Variants in ERP44 observed in about 807,000 individuals in gnomAD.
ERP44 encodes endoplasmic reticulum resident protein 44.
ERP44 carries 25 observed loss-of-function variants against 53.4 expected under a neutral mutation model. The ratio of observed to expected loss-of-function variants is 0.47; its 90% CI spans 0.34 to 0.65. The LOEUF (loss-of-function observed/expected upper bound fraction) is 0.65. Among genes scored for constraint, ERP44 ranks in the 30% least tolerant of loss-of-function variants. The probability of loss-of-function intolerance (pLI) is 0.01; values close to 1 mark genes in which losing one functional copy is unlikely to be tolerated. For missense variants in ERP44, 338 were observed against 493.2 expected (o/e 0.69, Z 2.98); for synonymous variants, 145 against 161.2 (o/e 0.90, Z 0.76).
In ERP44 at chr9:100,029,835, A is replaced by G. The variant is rs998057156; in HGVS notation, c.287-7609T>C. Among the ~76,000 whole-genome samples the G allele has an allele frequency of 3.3e-5, 5 of 152,190 alleles. 1 individual carries two copies. The highest frequency in any genetic ancestry group is 3.3e-4 in the Admixed American group (5 of 15,274). ...CCGGGTGCGGTGGCTCATGCCTGTA[A>G]TCCCAGCACTTTGGGAGACCGAGGC... On this transcript the variant is annotated intron_variant, in intron 4 of 11. Transcript: ENST00000262455.
rs577119057 is a variant in ERP44 at position 100,060,034 on chromosome 9, T to C, written c.130+66A>G. Reference sequence around the variant, plus strand: ...ACTGAGATTTTATTGGGTTTTTTTTTTGTATATATAAACTAACTCTCTATA... The same window carrying C: ...ACTGAGATTTTATTGGGTTTTTTTTCTGTATATATAAACTAACTCTCTATA... On this transcript the variant is annotated intron_variant, in intron 2 of 11. Coordinates refer to ENST00000262455, the MANE Select transcript of ERP44 (RefSeq NM_015051.3). 21 of 1,239,846 alleles carry C rather than the reference T, an allele frequency of 1.7e-5. No individual in the cohort carries two copies. In the East Asian group the frequency reaches 3.3e-4, roughly 19 times the overall value. The allele number at this position is 1,239,846 out of a possible 1,614,324, so 76.8% of individuals were successfully genotyped here.
intron 1 of ERP44, among the ~76,000 whole-genome samples, chr9:100,093,469 G>A (rs1283488950): frequency 1.3e-5 from 2 of 152,068 alleles, no homozygotes; most frequent in African/African-American, 4.8e-5. Context: ...CATGGCAAAA[G>A]CCTATCTCTA....
chr9:100,057,845 C>A lies in ERP44; in HGVS notation c.145G>T (p.Ala49Ser). 1 of 1,604,182 alleles carries A rather than the reference C, an allele frequency of 6.2e-7. No homozygotes were observed. The highest frequency in any genetic ancestry group is 1.3e-5 in the African/African-American group (1 of 74,592). ...CAGTCAGCATAAAAATTTACTAAAG[C>A]AACATCAGCATTGTCTGAAATTGAA... is the stretch of plus-strand genomic sequence containing the variant. ...IDEILNNADV[A>S]LVNFYADWCR... The change falls in exon 3 of 12, where the codon GCT becomes TCT. Residue 49 changes from alanine (A) to serine (S), a missense_variant. Ala to Ser is a moderately conservative substitution (Grantham distance 99, BLOSUM62 1). This residue lies in a region of ERP44 where 224 missense variants were observed against 301.4 expected (regional missense o/e 0.74). Coordinates refer to ENST00000262455, the MANE Select transcript of ERP44 (RefSeq NM_015051.3).
chr9:99,990,569 T>A (rs1327560668), intron 10 of ERP44, among the ~76,000 whole-genome samples: 1 of 152,198 alleles, frequency 6.6e-6, no homozygotes, highest in East Asian at 1.9e-4. Flanking sequence ...CATGCCAAAG[T>A]GTAAAGACCA....
chr9:100,073,144 A>G (rs1343372426), intron 1 of ERP44, among the ~76,000 whole-genome samples: 1 of 152,172 alleles, frequency 6.6e-6, no homozygotes, highest in Non-Finnish European at 1.5e-5. Flanking sequence ...AAAAATAAGT[A>G]CCCTGTAACA....
At chr9:99,999,303 ATTTG>A (rs1053445250) in intron 10 of ERP44, among the ~76,000 whole-genome samples, 75 of 151,856 alleles carry the variant, frequency 4.9e-4, no homozygotes, top group African/African-American at 1.7e-3. Flanking sequence ...TGATGAGATT[ATTTG>A]TTTTTTTCTT....
chr9:100,076,672 T>C (rs750553804), intron 1 of ERP44, among the ~76,000 whole-genome samples: 7 of 152,130 alleles, frequency 4.6e-5, no homozygotes, highest in African/African-American at 7.2e-5. Flanking sequence ...ACTTGGAAAA[T>C]TGGTGACAAA....
At chr9:100,063,262 T>G (rs1405921322) in intron 1 of ERP44, among the ~76,000 whole-genome samples, 2 of 152,044 alleles carry the variant, frequency 1.3e-5, no homozygotes, top group East Asian at 3.8e-4. Flanking sequence ...AAGATTGGTA[T>G]TTTGCTAACA....
At chr9:99,999,002 A>G (rs1345334003) in intron 10 of ERP44, 1 of 1,167,596 alleles carries the variant, frequency 8.6e-7, no homozygotes, top group East Asian at 2.4e-5. Flanking sequence ...AACTGGAAGT[A>G]GTCGTGCGTG....
Position 100,098,442 on chromosome 9 carries a change from G to C in ERP44, c.57+342C>G, listed in dbSNP as rs148307254. 2.8e-3 allele frequency among the ~76,000 whole-genome samples: 428 copies of C among 152,308 alleles called. 1 individual carries two copies. Among genetic ancestry groups the C allele is most frequent in the Non-Finnish European group, 4.4e-3 (301 of 68,030 alleles). On this transcript the variant is annotated intron_variant, in intron 1 of 11. Coordinates refer to ENST00000262455, the MANE Select transcript of ERP44 (RefSeq NM_015051.3). ...ATGGAGAGGGTGGGAAGGAACGCTA[G>C]GTCTATGCTTGGTCTTTTCCGATTC... is the stretch of plus-strand genomic sequence containing the variant.
At chr9:100,046,787 A>T (rs1226551014) in intron 4 of ERP44, among the ~76,000 whole-genome samples, 2 of 152,216 alleles carry the variant, frequency 1.3e-5, no homozygotes, top group Non-Finnish European at 2.9e-5. Flanking sequence ...CTAAAAGTTA[A>T]ATGGAAATCT....
At chr9:100,090,101 G>C (rs1826533851) in intron 1 of ERP44, among the ~76,000 whole-genome samples, 1 of 152,106 alleles carries the variant, frequency 6.6e-6, no homozygotes, top group South Asian at 2.1e-4. Flanking sequence ...CTGCTATTTA[G>C]AAAGTTTGAG....
chr9:99,982,697 G>C lies in ERP44; in HGVS notation c.1136C>G (p.Ala379Gly). Residue 379 changes from alanine to glycine, a missense_variant, in exon 12 of 12, where the codon GCA (alanine) becomes GGA (glycine). Around this residue, in one of 3 missense-constraint regions of ERP44, gnomAD observed 113 missense variants for 172.6 expected, o/e 0.65. Transcript: ENST00000262455. ...GAAGGAGCTCTCAGGTGGACTGCTTGCTACATCTTGGGCTTGCTACAAAAG... is the reference window on the plus strand; with the variant it reads ...GAAGGAGCTCTCAGGTGGACTGCTTCCTACATCTTGGGCTTGCTACAAAAG... ...TAPGEQAQDV[A>G]SSPPESSFQK... The C allele has an allele frequency of 6.2e-7, 1 of 1,607,110 alleles. No homozygotes were observed. The highest frequency in any genetic ancestry group is 8.5e-7 in the Non-Finnish European group (1 of 1,177,376).
chr9:100,098,317 C>A (rs1826675944), intron 1 of ERP44, among the ~76,000 whole-genome samples: 1 of 152,162 alleles, frequency 6.6e-6, no homozygotes, highest in Non-Finnish European at 1.5e-5. Flanking sequence ...TCGCATCAAG[C>A]CACAACAGAG....
At chr9:100,040,620 T>C (rs1825889865) in intron 4 of ERP44, among the ~76,000 whole-genome samples, 2 of 152,120 alleles carry the variant, frequency 1.3e-5, no homozygotes, top group African/African-American at 4.8e-5. Context: ...GGATGCCCAC[T>C]GTCACTATTA....
intron 1 of ERP44, among the ~76,000 whole-genome samples, chr9:100,098,153 TGAA>T (rs1251598217): frequency 6.6e-6 from 1 of 152,182 alleles, no homozygotes; most frequent in African/African-American, 2.4e-5. Flanking sequence ...TAAGGCGCAA[TGAA>T]GAAGAAATCT....
In ERP44 at chr9:100,098,925, CG is replaced by C. The variant is rs1254263285; in HGVS notation, c.-86del. 5.8e-6 allele frequency: 6 copies of C among 1,040,738 alleles called. No individual in the cohort carries two copies. Among genetic ancestry groups the C allele is most frequent in the Non-Finnish European group, 8.7e-6 (6 of 685,934 alleles). 64.5% of individuals were successfully genotyped at this position (1,040,738 alleles called of 1,614,324 possible). ...GTTGGGTTAGGAAAGGGCTGGGCTC[CG>C]GGAGCCGACGGCAGCGGAGGATTCT... On this transcript the variant is annotated 5_prime_UTR_variant, in exon 1 of 12. Transcript: ENST00000262455.
Position 99,984,960 on chromosome 9 carries a change from G to A in ERP44, c.1119+7C>T. On this transcript the variant is annotated splice_region_variant and intron_variant, in intron 11 of 11. Transcript: ENST00000262455. Reference sequence around the variant, plus strand: ...AGTTCTCATTGAAAAATAAACAGGAGTCCTACCTCTCCTGGGGCTGTATCA... The same window carrying A: ...AGTTCTCATTGAAAAATAAACAGGAATCCTACCTCTCCTGGGGCTGTATCA... 2 of 1,574,228 alleles carry A rather than the reference G, an allele frequency of 1.3e-6. No homozygotes were observed. The highest frequency in any genetic ancestry group is 1.7e-6 in the Non-Finnish European group (2 of 1,145,584).
intron 4 of ERP44, among the ~76,000 whole-genome samples, chr9:100,041,080 C>G (rs1030966447): frequency 1.3e-5 from 2 of 152,046 alleles, no homozygotes; most frequent in Non-Finnish European, 2.9e-5. Context: ...CTACCAAAAG[C>G]AATCTACCTA....
Sources: gnomAD v4.1 joint callset for allele counts (sites outside exome capture counted in the v4.1 genomes callset) on GRCh38, gnomAD v4.1.1 for gene constraint, gnomAD v4.1.1 regional missense constraint, MANE v1.5 for transcripts, NCBI Gene and HGNC (gene_info 2026-07-23, HGNC 2026-07-21) for gene names.